Variants in TTC21B observed in about 807,000 individuals in gnomAD.
TTC21B encodes the protein tetratricopeptide repeat domain 21B.
Under a neutral mutation model 175.1 loss-of-function variants are expected in TTC21B, and 127 were observed. The ratio of observed to expected loss-of-function variants is 0.73; its 90% CI spans 0.63 to 0.84. The LOEUF (loss-of-function observed/expected upper bound fraction) is 0.84. Ranked by LOEUF, TTC21B falls within the 40% of genes least tolerant of loss-of-function variation. TTC21B has a pLI of 0.00. For missense variants in TTC21B, 1,561 were observed against 1,558.3 expected (o/e 1.00, Z -0.03); for synonymous variants, 524 against 524.5 (o/e 1.00, Z 0.01).
At chr2:165,905,254 A>G (rs1271451031) in intron 19 of TTC21B, among the ~76,000 whole-genome samples, 1 of 152,178 alleles carries the variant, frequency 6.6e-6, no homozygotes, top group Non-Finnish European at 1.5e-5. Context: ...GGAAAGTGGA[A>G]TAAGAATAAT....
At position 165,915,387 on chromosome 2, in the gene TTC21B, G is replaced by A; in HGVS notation, c.1952C>T (p.Ser651Phe). ...QDAIHEFSGT[S>F]EEVRVTIANA... ...AGCAATGGTAACCCGCACTTCTTCAGATGTTCCAGAAAATTCATGGATGGC... is the reference window on the plus strand; with the variant it reads ...AGCAATGGTAACCCGCACTTCTTCAAATGTTCCAGAAAATTCATGGATGGC... Residue 651 changes from serine to phenylalanine, a missense_variant, in exon 15 of 29, where the codon TCT becomes TTT. Coordinates refer to ENST00000243344, the MANE Select transcript of TTC21B (RefSeq NM_024753.5). The A allele has an allele frequency of 1.2e-6, 2 of 1,614,082 alleles. No individual in the cohort carries two copies. The highest frequency in any genetic ancestry group is 4.5e-5 in the East Asian group (2 of 44,866).
chr2:165,878,227 T>C (rs1684731476), intron 27 of TTC21B, among the ~76,000 whole-genome samples: 1 of 152,190 alleles, frequency 6.6e-6, no homozygotes. Flanking sequence ...GGAAGAAACT[T>C]GATACATGAC....
Position 165,930,378 on chromosome 2 carries a change from A to T in TTC21B, c.895-14T>A, listed in dbSNP as rs770711314. ...ACTACGTCCACACTAAAAAGAAAAA[A>T]AAATGATGTAAGATTTCAAAGTCTA... On this transcript the variant is annotated splice_polypyrimidine_tract_variant and intron_variant, in intron 8 of 28. Transcript: ENST00000243344. 48 of 1,583,922 alleles carry T rather than the reference A, an allele frequency of 3.0e-5. No homozygotes were observed. Among genetic ancestry groups the T allele is most frequent in the Non-Finnish European group, 4.1e-5 (48 of 1,158,296 alleles).
intron 19 of TTC21B, among the ~76,000 whole-genome samples, chr2:165,905,895 A>G (rs1463016853): frequency 2.0e-5 from 3 of 152,122 alleles, no homozygotes; most frequent in African/African-American, 7.2e-5. Context: ...CATTATTTCA[A>G]GTCCACATGG....
At chr2:165,877,940 T>C (rs908370575) in intron 27 of TTC21B, among the ~76,000 whole-genome samples, 2 of 152,198 alleles carry the variant, frequency 1.3e-5, no homozygotes, top group African/African-American at 2.4e-5. Flanking sequence ...TAAGATGTCA[T>C]GCCAAACATA....
chr2:165,885,535 C>T (rs1684975116), intron 25 of TTC21B, among the ~76,000 whole-genome samples: 1 of 152,150 alleles, frequency 6.6e-6, no homozygotes, highest in Non-Finnish European at 1.5e-5. Context: ...TACTGAGCCT[C>T]ACCCTCTCCC....
At chr2:165,913,009 G>A (rs1686011404) in intron 16 of TTC21B, among the ~76,000 whole-genome samples, 1 of 151,906 alleles carries the variant, frequency 6.6e-6, no homozygotes, top group African/African-American at 2.4e-5. Flanking sequence ...GTATAAAGAA[G>A]AAGACTCCTA....
intron 1 of TTC21B, chr2:165,949,936 T>C: frequency 2.2e-6 from 1 of 458,494 alleles, no homozygotes; most frequent in Non-Finnish European, 3.8e-6. Context: ...TAATTCAATG[T>C]TTTCTAATAA....
At chr2:165,905,629 G>T (rs1020623227) in intron 19 of TTC21B, among the ~76,000 whole-genome samples, 11 of 152,032 alleles carry the variant, frequency 7.2e-5, no homozygotes, top group Non-Finnish European at 1.6e-4. Context: ...ATTCAATAAT[G>T]TATCTTCTAA....
intron 13 of TTC21B, among the ~76,000 whole-genome samples, chr2:165,918,744 C>T (rs997051319): frequency 2.0e-5 from 3 of 152,042 alleles, no homozygotes; most frequent in Admixed American, 6.6e-5. Context: ...TTTTCCCTAA[C>T]GTTGAGGGGA....
intron 9 of TTC21B, 72 bp from the exon 10 acceptor site, chr2:165,929,819 C>A (rs1336804774): frequency 1.0e-6 from 1 of 992,828 alleles, no homozygotes; most frequent in African/African-American, 1.6e-5. Context: ...GCTAACATAA[C>A]AACATTAATA....
chr2:165,927,119 G>GAT lies in TTC21B; in HGVS notation c.1386+2014_1386+2015dup, dbSNP rs372217458. Among the ~76,000 whole-genome samples, 26 of 9,522 alleles carry GAT rather than the reference G, an allele frequency of 2.7e-3. 5 individuals are homozygous for GAT. The highest frequency in any genetic ancestry group is 0.018 in the African/African-American group (24 of 1,328). 6.2% of individuals were successfully genotyped at this position (9,522 alleles called of 152,430 possible). ...ATATATATATATATATATCCTAGTA[G>GAT]ATATATATATATATATATCCTAGTA... On this transcript the variant is annotated intron_variant, in intron 11 of 28. Transcript: ENST00000243344.
intron 3 of TTC21B, chr2:165,949,144 T>A: frequency 2.1e-6 from 1 of 483,978 alleles, no homozygotes; most frequent in South Asian, 2.4e-5. Flanking sequence ...CATTCCCTTT[T>A]ATCTAAAAAA....
chr2:165,929,424 C>A (rs1478098735), intron 10 of TTC21B, 89 bp from the exon 11 acceptor site: 1 of 1,087,738 alleles, frequency 9.2e-7, no homozygotes, highest in African/African-American at 1.6e-5. Context: ...TAATGTGCTA[C>A]TGATATGCAA....
At chr2:165,891,593 TC>T in intron 22 of TTC21B, among the ~76,000 whole-genome samples, 1 of 152,148 alleles carries the variant, frequency 6.6e-6, no homozygotes, top group African/African-American at 2.4e-5. Flanking sequence ...ATTCATTCAT[TC>T]ATTCATTCAT....
At chr2:165,904,882 C>T (rs1440555851) in intron 19 of TTC21B, among the ~76,000 whole-genome samples, 1 of 151,958 alleles carries the variant, frequency 6.6e-6, no homozygotes, top group East Asian at 1.9e-4. Context: ...CAAAACAAAC[C>T]AATATTATGG....
chr2:165,942,548 C>T (rs1687407781), intron 5 of TTC21B, among the ~76,000 whole-genome samples: 1 of 152,170 alleles, frequency 6.6e-6, no homozygotes, highest in South Asian at 2.1e-4. Flanking sequence ...TCACCCCCAT[C>T]CCACCTTTCT....
At chr2:165,896,443 C>T (rs767055345) in intron 22 of TTC21B, among the ~76,000 whole-genome samples, 2 of 152,100 alleles carry the variant, frequency 1.3e-5, no homozygotes, top group Non-Finnish European at 2.9e-5. Context: ...TCACTTGATG[C>T]TTCCATTCTA....
At chr2:165,944,782 T>TA (rs1687492013) in intron 4 of TTC21B, among the ~76,000 whole-genome samples, 1 of 152,214 alleles carries the variant, frequency 6.6e-6, no homozygotes, top group African/African-American at 2.4e-5. Context: ...ATGAGTATCT[T>TA]AGTGTACCCT....
Sources: allele counts gnomAD v4.1 joint callset (sites outside exome capture counted in the v4.1 genomes callset), GRCh38; gene constraint gnomAD v4.1.1; transcripts MANE v1.5; gene names NCBI Gene and HGNC (gene_info 2026-07-23, HGNC 2026-07-21).